Variants in HMCN1 observed in about 807,000 individuals in gnomAD.
The protein encoded by HMCN1 is hemicentin 1, also known as hemicentin-1.
In HMCN1, 321 loss-of-function variants were observed where a neutral mutation model predicts 625.9. That is an observed-to-expected ratio of 0.51 (90% CI 0.47 to 0.56). The LOEUF is 0.56. Ranked by LOEUF, HMCN1 falls within the 20% of genes least tolerant of loss-of-function variation. HMCN1 has a pLI of 0.00. For missense variants in HMCN1, 6,588 were observed against 6,887.3 expected (o/e 0.96, Z 1.54); for synonymous variants, 2,425 against 2,417.6 (o/e 1.00, Z -0.09).
At chr1:186,123,249 T>C (rs1184470717) in intron 81 of HMCN1, 29 bp downstream of exon 81, 1 of 1,601,540 alleles carries the variant, frequency 6.2e-7, no homozygotes, top group East Asian at 2.2e-5. Context: ...ATTATTTTAG[T>C]CTGCTGCACT....
At chr1:185,753,519 TA>T (rs1228681675) in intron 1 of HMCN1, among the ~76,000 whole-genome samples, 1 of 152,174 alleles carries the variant, frequency 6.6e-6, no homozygotes, top group Admixed American at 6.5e-5. Context: ...TGTTCTTTTC[TA>T]ACTTTAAAAT....
intron 1 of HMCN1, among the ~76,000 whole-genome samples, chr1:185,760,758 T>C (rs1655444590): frequency 1.3e-5 from 2 of 152,188 alleles, no homozygotes; most frequent in South Asian, 4.1e-4. Context: ...GTAATGCTTG[T>C]TGAACAATTA....
At chr1:185,989,932 G>A (rs1374667820) in intron 21 of HMCN1, among the ~76,000 whole-genome samples, 2 of 152,028 alleles carry the variant, frequency 1.3e-5, no homozygotes, top group Non-Finnish European at 2.9e-5. Context: ...ACCCTCTTCA[G>A]TAACACCAGT....
At chr1:186,155,460 C>G (rs926642342) in intron 97 of HMCN1, among the ~76,000 whole-genome samples, 13 of 152,134 alleles carry the variant, frequency 8.5e-5, no homozygotes, top group Admixed American at 3.9e-4. Context: ...ACTTCTGTTT[C>G]TACTTTTTTC....
At chr1:185,962,114 T>C (rs558922752) in intron 11 of HMCN1, among the ~76,000 whole-genome samples, 4 of 152,256 alleles carry the variant, frequency 2.6e-5, no homozygotes, top group Admixed American at 2.0e-4. Context: ...GCAGACAGCA[T>C]AGTCAGGACA....
chr1:185,741,634 A>G (rs910207932), intron 1 of HMCN1, among the ~76,000 whole-genome samples: 1 of 152,216 alleles, frequency 6.6e-6, no homozygotes, highest in African/African-American at 2.4e-5. Context: ...AGCCCACGAA[A>G]TTGAACTCAG....
intron 37 of HMCN1, among the ~76,000 whole-genome samples, chr1:186,038,512 A>G (rs1025690580): frequency 6.6e-6 from 1 of 152,156 alleles, no homozygotes; most frequent in African/African-American, 2.4e-5. Flanking sequence ...TGTAGCCAAA[A>G]TTTTATGGAT....
At chr1:186,019,893 CTT>C (rs992337798) in intron 35 of HMCN1, among the ~76,000 whole-genome samples, 198 bp downstream of exon 35, 7 of 151,866 alleles carry the variant, frequency 4.6e-5, no homozygotes, top group African/African-American at 1.5e-4. Flanking sequence ...TAAAGACTAA[CTT>C]TAACAATGAT....
chr1:186,009,205 C>T (rs1410248783), intron 30 of HMCN1, among the ~76,000 whole-genome samples: 1 of 152,094 alleles, frequency 6.6e-6, no homozygotes, highest in African/African-American at 2.4e-5. Context: ...GTGATGAATA[C>T]ATTTTGGTGA....
In HMCN1 at chr1:185,948,890, G is replaced by C. The variant is rs578224614; in HGVS notation, c.1829-13628G>C. On this transcript the variant is annotated intron_variant, in intron 11 of 106. Transcript: ENST00000271588. The stretch of plus-strand genomic sequence containing the variant: ...CGGCGTGGGAACCTAGAGTGGGAGA[G>C]ATTAAGCTGAAGGGAGGTCTTGTGG... Among the ~76,000 whole-genome samples, 444 of 151,998 alleles carry C rather than the reference G, an allele frequency of 2.9e-3. 8 individuals are homozygous for C. The highest frequency in any genetic ancestry group is 0.01 in the African/African-American group (415 of 41,320).
Position 186,055,482 on chromosome 1 carries a change from G to A in HMCN1, c.6952G>A (p.Gly2318Ser), listed in dbSNP as rs1657251077. The A allele has an allele frequency of 1.2e-6, 2 of 1,612,638 alleles. No homozygotes were observed. The highest frequency in any genetic ancestry group is 3.3e-5 in the Admixed American group (2 of 59,780). ...KSISLECEVQ[G>S]IPPPTVTWMK... ...TATCTCCTTGGAGTGTGAGGTGCAG[G>A]GTATTCCACCACCAACAGTGACCTG... Residue 2318 changes from glycine to serine, a missense_variant, in exon 45 of 107, where the codon GGT becomes AGT. Around this residue, in one of 3 missense-constraint regions of HMCN1, gnomAD observed 4,628 missense variants for 4,853.1 expected, o/e 0.95. Transcript: ENST00000271588.
At position 185,794,832 on chromosome 1, in the gene HMCN1, C is replaced by A. The variant is rs1161437114; in HGVS notation, c.269-51194C>A. Among the ~76,000 whole-genome samples, 7 of 149,510 alleles carry A rather than the reference C, an allele frequency of 4.7e-5. No homozygotes were observed. In the East Asian group the frequency reaches 1.4e-3, roughly 29 times the overall value. On this transcript the variant is annotated intron_variant, in intron 1 of 106. Transcript: ENST00000271588. ...CCATCACAACATTGATTTAAAAAAA[C>A]TTGTGATAATATTCCCAAAATATGA... is the stretch of plus-strand genomic sequence containing the variant.
chr1:185,988,102 A>G (rs1247444518), intron 20 of HMCN1, among the ~76,000 whole-genome samples: 3 of 152,204 alleles, frequency 2.0e-5, no homozygotes, highest in Non-Finnish European at 4.4e-5. Flanking sequence ...TGATTTCACT[A>G]AAGGCCTTTT....
chr1:185,941,363 G>C (rs1026927496), intron 11 of HMCN1, among the ~76,000 whole-genome samples: 1 of 152,074 alleles, frequency 6.6e-6, no homozygotes, highest in African/African-American at 2.4e-5. Flanking sequence ...TACTTAACAA[G>C]CATCTACCAC....
chr1:186,042,909 TA>T (rs1240272953), intron 40 of HMCN1, among the ~76,000 whole-genome samples: 1 of 152,110 alleles, frequency 6.6e-6, no homozygotes, highest in African/African-American at 2.4e-5. Context: ...GGGGGTGGAA[TA>T]GGGGAAGTAG....
At chr1:186,004,888 T>C (rs1461881234) in intron 29 of HMCN1, among the ~76,000 whole-genome samples, 2 of 152,116 alleles carry the variant, frequency 1.3e-5, no homozygotes, top group South Asian at 2.1e-4. Flanking sequence ...GTAGATACTT[T>C]ACGGCATAAT....
chr1:186,070,527 A>G (rs1158613540), intron 51 of HMCN1, 85 bp from the exon 52 acceptor site: 2 of 1,194,696 alleles, frequency 1.7e-6, no homozygotes, highest in Non-Finnish European at 2.5e-6. Flanking sequence ...TGTTTTCTTG[A>G]TAAGTAATCC....
At chr1:186,165,287 G>A (rs1651810926) in intron 98 of HMCN1, 114 bp downstream of exon 98, 2 of 924,480 alleles carry the variant, frequency 2.2e-6, no homozygotes, top group East Asian at 2.5e-5. Context: ...CAACAGTTCT[G>A]TAAACATCCC....
intron 36 of HMCN1, among the ~76,000 whole-genome samples, chr1:186,035,325 A>G (rs1352884749): frequency 3.3e-5 from 5 of 152,198 alleles, no homozygotes; most frequent in Non-Finnish European, 5.9e-5. Flanking sequence ...CAGGACAAAA[A>G]AGATTTGACC....
Sources: gnomAD v4.1 joint callset for allele counts (sites outside exome capture counted in the v4.1 genomes callset) on GRCh38, gnomAD v4.1.1 for gene constraint, gnomAD v4.1.1 regional missense constraint, MANE v1.5 for transcripts, NCBI Gene and HGNC (gene_info 2026-07-23, HGNC 2026-07-21) for gene names.